Variants in NDST3 observed in about 807,000 individuals in gnomAD.
NDST3 encodes the protein bifunctional heparan sulfate N-deacetylase/N-sulfotransferase 3.
NDST3 carries 58 observed loss-of-function variants against 96.1 expected under a neutral mutation model. That is an observed-to-expected ratio of 0.60 (90% CI 0.49 to 0.75). The LOEUF (loss-of-function observed/expected upper bound fraction) is 0.75. NDST3 is among the 30% of genes least tolerant of loss of function. The probability of loss-of-function intolerance (pLI) is 0.00; values close to 1 mark genes in which losing one functional copy is unlikely to be tolerated. For missense variants in NDST3, 788 were observed against 1,034.2 expected, an observed-to-expected ratio of 0.76 and a Z score of 3.27; for synonymous variants, 333 against 359.7, an observed-to-expected ratio of 0.93 and a Z score of 0.84.
intron 1 of NDST3, among the ~76,000 whole-genome samples, chr4:118,052,195 T>C (rs1254643215): frequency 2.0e-5 from 3 of 152,050 alleles, no homozygotes; most frequent in Non-Finnish European, 4.4e-5. Flanking sequence ...TGGAATACTA[T>C]GTGGCCATAA....
intron 6 of NDST3, among the ~76,000 whole-genome samples, chr4:118,222,717 T>C (rs2125993420): frequency 6.6e-6 from 1 of 152,146 alleles, no homozygotes; most frequent in Admixed American, 6.6e-5. Context: ...AGGTTCAGTT[T>C]CATGAAAAGC....
chr4:118,100,520 C>G (rs1729678933), intron 2 of NDST3, among the ~76,000 whole-genome samples: 3 of 152,060 alleles, frequency 2.0e-5, no homozygotes, highest in Admixed American at 2.0e-4. Flanking sequence ...TATTCACTGA[C>G]CAATCTAGTC....
At chr4:118,236,781 ACT>A (rs1740674181) in intron 9 of NDST3, among the ~76,000 whole-genome samples, 1 of 152,174 alleles carries the variant, frequency 6.6e-6, no homozygotes, top group African/African-American at 2.4e-5. Context: ...CAGTTTGATC[ACT>A]CTGTGTCTAC....
Position 118,240,655 on chromosome 4 carries a change from C to G in NDST3, c.2250C>G (p.Ser750Arg). ...GTTTGGTCCCGGGGTGGTATGCCAG[C>G]CACATCGAGAGATGGCTTGTTTATT... Reference protein sequence around the residue: ...KRCLVPGWYASHIERWLVYFP... With the variant: ...KRCLVPGWYARHIERWLVYFP... The change falls in exon 11 of 14, where the codon AGC (serine) becomes AGG (arginine). Residue 750 changes from serine (S) to arginine (R), a missense_variant. Coordinates refer to ENST00000296499, the MANE Select transcript of NDST3 (RefSeq NM_004784.3). The G allele has an allele frequency of 6.2e-7, 1 of 1,613,694 alleles. No homozygotes were observed. The highest frequency in any genetic ancestry group is 1.1e-5 in the South Asian group (1 of 91,056).
Position 118,052,950 on chromosome 4 carries a change from CA to C in NDST3, c.-155-805del, listed in dbSNP as rs796219795. Among the ~76,000 whole-genome samples, 37 of 152,054 alleles carry C rather than the reference CA, an allele frequency of 2.4e-4. 1 individual carries two copies. The highest frequency in any genetic ancestry group is 8.4e-4 in the African/African-American group (35 of 41,536). ...GTTGTTTTCATTACATTTTTAAAAA[CA>C]TTTTTGGAGTAGTTTTTCACATAAT... On this transcript the variant is annotated intron_variant, in intron 1 of 13. Coordinates refer to ENST00000296499, the MANE Select transcript of NDST3 (RefSeq NM_004784.3).
At chr4:118,096,676 T>TAGAC (rs1729336437) in intron 2 of NDST3, among the ~76,000 whole-genome samples, 1 of 150,554 alleles carries the variant, frequency 6.6e-6, no homozygotes, top group Non-Finnish European at 1.5e-5. Context: ...GATAGATAGA[T>TAGAC]AGATAGATAG....
intron 2 of NDST3, among the ~76,000 whole-genome samples, chr4:118,067,066 T>A (rs1240895949): frequency 1.3e-5 from 2 of 150,256 alleles, no homozygotes; most frequent in Admixed American, 6.8e-5. Flanking sequence ...TATTCTTGAA[T>A]AAATGAATTC....
chr4:118,191,601 T>C (rs1444030142), intron 6 of NDST3, among the ~76,000 whole-genome samples: 3 of 152,164 alleles, frequency 2.0e-5, no homozygotes, highest in Admixed American at 6.5e-5. Flanking sequence ...TGTGGGTATA[T>C]AGTAGGTGTA....
At chr4:118,222,205 C>A (rs1247883674) in intron 6 of NDST3, among the ~76,000 whole-genome samples, 2 of 151,860 alleles carry the variant, frequency 1.3e-5, no homozygotes, top group African/African-American at 4.8e-5. Context: ...GGTCAGTACA[C>A]AGGTAAGGAA....
chr4:118,039,743 T>G (rs772081618), intron 1 of NDST3, among the ~76,000 whole-genome samples: 6 of 152,122 alleles, frequency 3.9e-5, no homozygotes, highest in African/African-American at 9.6e-5. Context: ...GAAAAAACTT[T>G]CAGACAAAGG....
chr4:118,138,258 G>T lies in NDST3; in HGVS notation c.1410+19G>T, dbSNP rs374670670. ...CATCATGGTGAGCTTCCTCCAGTAT[G>T]CATAGGGTACAACTAATTCTGCAAG... is the stretch of plus-strand genomic sequence containing the variant. On this transcript the variant is annotated intron_variant, in intron 5 of 13. Coordinates refer to ENST00000296499, the MANE Select transcript of NDST3 (RefSeq NM_004784.3). 5 of 1,599,844 alleles carry T rather than the reference G, an allele frequency of 3.1e-6. No individual in the cohort carries two copies. The African/African-American group carries it at 6.7e-5, about 22-fold the overall frequency.
At chr4:118,057,352 C>A (rs1396943327) in intron 2 of NDST3, among the ~76,000 whole-genome samples, 1 of 151,958 alleles carries the variant, frequency 6.6e-6, no homozygotes. Flanking sequence ...GAGCATTTCA[C>A]AGGTAGTTGC....
chr4:118,118,310 T>C (rs1260801463), intron 4 of NDST3, among the ~76,000 whole-genome samples: 3 of 152,058 alleles, frequency 2.0e-5, no homozygotes, highest in African/African-American at 4.8e-5. Context: ...TGGGAGCAAA[T>C]AGGTGTTCAA....
At chr4:118,083,580 T>C (rs1224774125) in intron 2 of NDST3, among the ~76,000 whole-genome samples, 1 of 152,156 alleles carries the variant, frequency 6.6e-6, no homozygotes, top group East Asian at 1.9e-4. Flanking sequence ...AAATGTACCT[T>C]GGGAGTGCTG....
chr4:118,155,740 A>C (rs1435061801), intron 6 of NDST3, among the ~76,000 whole-genome samples: 1 of 152,140 alleles, frequency 6.6e-6, no homozygotes, highest in South Asian at 2.1e-4. Context: ...GTTTCCAAGA[A>C]CCTACCAATA....
At position 118,255,841 on chromosome 4, in the gene NDST3, T is replaced by C. The variant is rs1294743134; in HGVS notation, c.*129T>C. 8 of 1,083,636 alleles carry C rather than the reference T, an allele frequency of 7.4e-6. No homozygotes were observed. The highest frequency in any genetic ancestry group is 1.0e-5 in the Non-Finnish European group (8 of 784,422). The allele number at this position is 1,083,636 out of a possible 1,614,324, so 67.1% of individuals were successfully genotyped here. ...AGAAAAAAGAACAGTTTCTTCCATG[T>C]GCTGGCACGTGGATGATTAGAAAAA... On this transcript the variant is annotated 3_prime_UTR_variant, in exon 14 of 14. Transcript: ENST00000296499.
At chr4:118,139,799 T>G (rs1444898559) in intron 5 of NDST3, among the ~76,000 whole-genome samples, 2 of 152,186 alleles carry the variant, frequency 1.3e-5, no homozygotes, top group African/African-American at 4.8e-5. Flanking sequence ...TTCCAATCAG[T>G]GTCTATATTT....
Position 118,035,542 on chromosome 4 carries a change from C to T in NDST3, c.-156+950C>T, listed in dbSNP as rs532452781. 5.3e-5 allele frequency among the ~76,000 whole-genome samples: 8 copies of T among 151,068 alleles called. No homozygotes were observed. In the South Asian group the frequency reaches 8.4e-4, roughly 16 times the overall value. ...TATGGCAGAGAAACTCTAGAATATCCGATATTCAGCTGAAGGGAATTTTTT... is the reference window on the plus strand; with the variant it reads ...TATGGCAGAGAAACTCTAGAATATCTGATATTCAGCTGAAGGGAATTTTTT... On this transcript the variant is annotated intron_variant, in intron 1 of 13. Transcript: ENST00000296499.
intron 6 of NDST3, among the ~76,000 whole-genome samples, chr4:118,206,329 C>T: frequency 6.9e-6 from 1 of 144,792 alleles, no homozygotes; most frequent in East Asian, 2.0e-4. Flanking sequence ...AGAACATAAG[C>T]CTAAAGGCTA....
Sources: gnomAD v4.1 joint callset for allele counts (sites outside exome capture counted in the v4.1 genomes callset) on GRCh38, gnomAD v4.1.1 for gene constraint, MANE v1.5 for transcripts, NCBI Gene and HGNC (gene_info 2026-07-23, HGNC 2026-07-21) for gene names.